The following ZSWIM5 variants were observed in gnomAD, a reference collection of about 807,000 sequenced individuals.
The protein encoded by ZSWIM5 is zinc finger SWIM domain-containing protein 5.
ZSWIM5 carries 55 observed loss-of-function variants against 119.6 expected under a neutral mutation model. That is an observed-to-expected ratio of 0.46 (90% CI 0.37 to 0.58). ZSWIM5 has a LOEUF of 0.58. Among genes scored for constraint, ZSWIM5 ranks in the 20% least tolerant of loss-of-function variants. The pLI is 0.00. For synonymous variants in ZSWIM5, 537 were observed against 606.9 expected (o/e 0.88, Z 1.69); for missense variants, 1,193 against 1,512.8 (o/e 0.79, Z 3.51).
intron 11 of ZSWIM5, among the ~76,000 whole-genome samples, chr1:45,026,468 A>G (rs1644921715): frequency 6.6e-6 from 1 of 152,058 alleles, no homozygotes; most frequent in South Asian, 2.1e-4. Flanking sequence ...TTACTGATGA[A>G]TGACTTTTCT....
At chr1:45,020,236 T>C in intron 12 of ZSWIM5, 89 bp from the exon 13 acceptor site, 2 of 1,092,126 alleles carry the variant, frequency 1.8e-6, no homozygotes, top group Non-Finnish European at 2.8e-6. Flanking sequence ...ACAAATATTT[T>C]CTGGTGCTTT....
intron 1 of ZSWIM5, among the ~76,000 whole-genome samples, chr1:45,141,277 G>C (rs1405626983): frequency 6.6e-6 from 1 of 152,110 alleles, no homozygotes; most frequent in Non-Finnish European, 1.5e-5. Context: ...TTTTCCTGCT[G>C]CTTGGACCTA....
intron 1 of ZSWIM5, among the ~76,000 whole-genome samples, chr1:45,166,845 T>C (rs953307727): frequency 3.9e-5 from 6 of 152,082 alleles, no homozygotes; most frequent in Non-Finnish European, 7.4e-5. Context: ...TGGAAGAACA[T>C]TCCATGCTCA....
intron 1 of ZSWIM5, among the ~76,000 whole-genome samples, chr1:45,146,534 G>A (rs11585629): frequency 0.072 from 9,955 of 137,900 alleles, 508 homozygotes; most frequent in Non-Finnish European, 0.11. Context: ...CCGCTTCCCC[G>A]GTTCAAGCAA....
chr1:45,134,685 A>G (rs1645678987), intron 1 of ZSWIM5, among the ~76,000 whole-genome samples: 1 of 152,240 alleles, frequency 6.6e-6, no homozygotes, highest in South Asian at 2.1e-4. Flanking sequence ...AAAAAGCATG[A>G]TGCTGAAAGA....
chr1:45,054,888 T>A (rs1018353925), intron 4 of ZSWIM5, among the ~76,000 whole-genome samples: 1 of 151,968 alleles, frequency 6.6e-6, no homozygotes, highest in Admixed American at 6.5e-5. Flanking sequence ...TGCAGTGGCA[T>A]GATCTCAGCT....
intron 1 of ZSWIM5, among the ~76,000 whole-genome samples, chr1:45,125,122 A>AC (rs146274767): frequency 0.021 from 3,142 of 152,332 alleles, 115 homozygotes; most frequent in African/African-American, 0.072. Context: ...TCCTCCAGCA[A>AC]AGCAGAATAA....
At position 45,040,609 on chromosome 1, in the gene ZSWIM5, A is replaced by C. The variant is rs1465883968; in HGVS notation, c.1610-71T>G. The C allele has an allele frequency of 2.8e-6, 4 of 1,424,554 alleles. No individual in the cohort carries two copies. The African/African-American group carries it at 4.3e-5, about 15-fold the overall frequency. 88.2% of individuals were successfully genotyped at this position (1,424,554 alleles called of 1,614,324 possible). On this transcript the variant is annotated intron_variant, in intron 6 of 13. Coordinates refer to ENST00000359600, the MANE Select transcript of ZSWIM5 (RefSeq NM_020883.2). The stretch of plus-strand genomic sequence containing the variant: ...TCAGGAAAATTTATACCTGACAAAG[A>C]GAGTTTGTATTCAGTCCAGTTCCTC...
At chr1:45,196,500 C>A (rs1480423294) in intron 1 of ZSWIM5, among the ~76,000 whole-genome samples, 1 of 146,872 alleles carries the variant, frequency 6.8e-6, no homozygotes, top group African/African-American at 2.5e-5. Context: ...ATGCCATTCT[C>A]CTGCCTCAGC....
intron 1 of ZSWIM5, among the ~76,000 whole-genome samples, chr1:45,121,126 T>A (rs1645589264): frequency 6.6e-6 from 1 of 152,038 alleles, no homozygotes; most frequent in Non-Finnish European, 1.5e-5. Context: ...ATTTTTTGTA[T>A]TTTTTTAGTA....
At position 45,202,977 on chromosome 1, in the gene ZSWIM5, T is replaced by C. The variant is rs75208228; in HGVS notation, c.595+2779A>G. Among the ~76,000 whole-genome samples, 1,150 of 152,150 alleles carry C rather than the reference T, an allele frequency of 7.6e-3. 15 individuals are homozygous for C. The highest frequency in any genetic ancestry group is 0.027 in the African/African-American group (1,102 of 41,542). The stretch of plus-strand genomic sequence containing the variant: ...TGAAACAAGTTAAAAATGCAGATGC[T>C]GAAAACATTCATATGTTTTCAATAG... On this transcript the variant is annotated intron_variant, in intron 1 of 13. Transcript: ENST00000359600.
intron 1 of ZSWIM5, among the ~76,000 whole-genome samples, chr1:45,155,750 G>C (rs1462795054): frequency 6.6e-6 from 1 of 152,202 alleles, no homozygotes; most frequent in Non-Finnish European, 1.5e-5. Flanking sequence ...GATGGGATTG[G>C]ACACTAGTAT....
chr1:45,135,231 T>G (rs1326116807), intron 1 of ZSWIM5, among the ~76,000 whole-genome samples: 1 of 151,876 alleles, frequency 6.6e-6, no homozygotes, highest in East Asian at 1.9e-4. Flanking sequence ...GCATCAGTCA[T>G]AGAAACAGAA....
chr1:45,106,164 C>A (rs899018185), intron 1 of ZSWIM5, among the ~76,000 whole-genome samples: 2 of 147,178 alleles, frequency 1.4e-5, no homozygotes, highest in African/African-American at 2.5e-5. Context: ...TGCCCGGCCG[C>A]CCCGTCGGGG....
At chr1:45,051,909 G>C (rs908317482) in intron 4 of ZSWIM5, among the ~76,000 whole-genome samples, 1 of 151,926 alleles carries the variant, frequency 6.6e-6, no homozygotes. Flanking sequence ...TAGAATCTTG[G>C]TATTTGCTTA....
rs1451843164 is a variant in ZSWIM5, at chr1:45,082,306, C to T, written c.952+5575G>A. On this transcript the variant is annotated intron_variant, in intron 2 of 13. Coordinates refer to ENST00000359600, the MANE Select transcript of ZSWIM5 (RefSeq NM_020883.2). ...CTGCCAAATCCCCCTCTGTGAGAAACACCCAAGAATGATCAATTAAAAAAA... is the reference window on the plus strand; with the variant it reads ...CTGCCAAATCCCCCTCTGTGAGAAATACCCAAGAATGATCAATTAAAAAAA... 7.5e-4 allele frequency among the ~76,000 whole-genome samples: 108 copies of T among 143,526 alleles called. 1 individual carries two copies. The highest frequency in any genetic ancestry group is 2.8e-3 in the African/African-American group (106 of 38,194). The allele number at this position is 143,526 out of a possible 152,430, so 94.2% of individuals were successfully genotyped here. A position where few individuals can be genotyped will look rare whatever the true frequency, so the allele number is the denominator to read the frequency against.
rs181661898 is a variant in ZSWIM5, at chr1:45,019,314, C to T, written c.2698G>A (p.Val900Met). The T allele has an allele frequency of 2.2e-5, 35 of 1,607,736 alleles. No individual in the cohort carries two copies. The highest frequency in any genetic ancestry group is 2.9e-5 in the Non-Finnish European group (34 of 1,178,296). ...TGCAAGATGCTCACCAGGGCCCGCA[C>T]ACCTGTCAGGGGGAGCCTGAGCTCA... ...WLVTCATEVG[V>M]RALVSILQSW... Residue 900 changes from valine (V) to methionine (M), a missense_variant and splice_region_variant, in exon 14 of 14, where the codon GTG becomes ATG. Val to Met is a conservative substitution (Grantham distance 21). Around this residue, in one of 2 missense-constraint regions of ZSWIM5, gnomAD observed 961 missense variants for 1,290.0 expected, o/e 0.74. Transcript: ENST00000359600. The surrounding 1 kb of genome is among the most constrained non-coding windows in gnomAD (Gnocchi z 5.0).
intron 2 of ZSWIM5, among the ~76,000 whole-genome samples, chr1:45,082,524 C>T (rs1645299850): frequency 6.6e-6 from 1 of 152,182 alleles, no homozygotes; most frequent in African/African-American, 2.4e-5. Context: ...ATTCAGTCCT[C>T]ACTCATCCAA....
chr1:45,202,064 T>G (rs1048544874), intron 1 of ZSWIM5, among the ~76,000 whole-genome samples: 2 of 152,110 alleles, frequency 1.3e-5, no homozygotes, highest in African/African-American at 4.8e-5. Context: ...ATTTAAAACT[T>G]GAAAAATTTC....
Sources: gnomAD v4.1 joint callset for allele counts (sites outside exome capture counted in the v4.1 genomes callset) on GRCh38, gnomAD v4.1.1 for gene constraint, gnomAD v4.1.1 regional missense constraint, Gnocchi (gnomAD v3.1) non-coding constraint, MANE v1.5 for transcripts, NCBI Gene and HGNC (gene_info 2026-07-23, HGNC 2026-07-21) for gene names.